Variants in MSRB3 observed in about 807,000 individuals in gnomAD.
The protein encoded by MSRB3 is methionine-R-sulfoxide reductase B3.
A neutral mutation model predicts 21.0 loss-of-function variants in MSRB3; 13 were observed. The observed-to-expected ratio is 0.62, with a 90% CI of 0.40 to 0.98. The LOEUF is 0.98. Ranked by LOEUF, MSRB3 falls within the 50% of genes least tolerant of loss-of-function variation. The pLI, the probability that MSRB3 is intolerant of heterozygous loss-of-function variation, is 0.00. For synonymous variants in MSRB3, 87 were observed against 88.6 expected (o/e 0.98, Z 0.10); for missense variants, 199 against 230.3 (o/e 0.86, Z 0.88).
chr12:65,388,394 A>T (rs1485915228), intron 5 of MSRB3, among the ~76,000 whole-genome samples: 2 of 151,968 alleles, frequency 1.3e-5, no homozygotes, highest in Non-Finnish European at 2.9e-5. Context: ...TTCAGCTCCC[A>T]CTTGTTTCTT....
At chr12:65,416,485 T>G (rs1328473449) in intron 5 of MSRB3, among the ~76,000 whole-genome samples, 1 of 152,174 alleles carries the variant, frequency 6.6e-6, no homozygotes, top group African/African-American at 2.4e-5. Context: ...GTGTGAACAT[T>G]GGAGAGCATA....
At chr12:65,377,571 A>AT (rs1878699318) in intron 5 of MSRB3, among the ~76,000 whole-genome samples, 1 of 152,216 alleles carries the variant, frequency 6.6e-6, no homozygotes, top group Non-Finnish European at 1.5e-5. Context: ...AATTGCTGGG[A>AT]TTACAGGCAT....
At chr12:65,407,209 G>A (rs1292123057) in intron 5 of MSRB3, among the ~76,000 whole-genome samples, 4 of 151,990 alleles carry the variant, frequency 2.6e-5, no homozygotes, top group Non-Finnish European at 5.9e-5. Flanking sequence ...CAATGGGAAA[G>A]GACAGTCTTT....
chr12:65,330,583 T>C (rs990586972), intron 4 of MSRB3, among the ~76,000 whole-genome samples: 1 of 152,126 alleles, frequency 6.6e-6, no homozygotes, highest in Admixed American at 6.5e-5. Flanking sequence ...TGGCTGCGTC[T>C]TCCTCCCATC....
At chr12:65,436,819 ATTGT>A (rs1882139487) in intron 5 of MSRB3, among the ~76,000 whole-genome samples, 1 of 151,848 alleles carries the variant, frequency 6.6e-6, no homozygotes, top group Non-Finnish European at 1.5e-5. Context: ...TGCCACAGAG[ATTGT>A]TTGGTGTAGG....
At chr12:65,443,576 T>G (rs1015992241) in intron 5 of MSRB3, among the ~76,000 whole-genome samples, 6 of 152,162 alleles carry the variant, frequency 3.9e-5, no homozygotes, top group African/African-American at 1.4e-4. Context: ...TTTACTTCAC[T>G]GAGTTCTGGA....
At chr12:65,460,243 G>A (rs1490010500) in intron 6 of MSRB3, among the ~76,000 whole-genome samples, 1 of 152,210 alleles carries the variant, frequency 6.6e-6, no homozygotes, top group African/African-American at 2.4e-5. Flanking sequence ...GAGCTTGCAG[G>A]CAGCTAAAGA....
chr12:65,380,842 G>A (rs1343907570), intron 5 of MSRB3, among the ~76,000 whole-genome samples: 2 of 152,104 alleles, frequency 1.3e-5, no homozygotes, highest in East Asian at 1.9e-4. Context: ...TAAGTAGTCC[G>A]ATTCGAGAGT....
chr12:65,311,361 C>T (rs1360685751), intron 2 of MSRB3, among the ~76,000 whole-genome samples: 3 of 152,194 alleles, frequency 2.0e-5, no homozygotes, highest in South Asian at 2.1e-4. Flanking sequence ...CATAATTTCT[C>T]GACCATTCAA....
intron 1 of MSRB3, among the ~76,000 whole-genome samples, chr12:65,301,210 T>C (rs539354600): frequency 6.6e-6 from 1 of 152,182 alleles, no homozygotes; most frequent in South Asian, 2.1e-4. Flanking sequence ...ATATGGAGAC[T>C]AAAGGCTTTA....
chr12:65,450,024 G>C (rs1464917695), intron 5 of MSRB3, among the ~76,000 whole-genome samples: 1 of 152,088 alleles, frequency 6.6e-6, no homozygotes, highest in African/African-American at 2.4e-5. Context: ...GGAGAGCTAT[G>C]CCATTATTCA....
At chr12:65,343,932 C>T (rs1223851369) in intron 4 of MSRB3, among the ~76,000 whole-genome samples, 1 of 152,048 alleles carries the variant, frequency 6.6e-6, no homozygotes, top group Admixed American at 6.6e-5. Context: ...AGGTGTAATA[C>T]ATGTGAGGTT....
intron 4 of MSRB3, among the ~76,000 whole-genome samples, chr12:65,356,282 TTAA>T (rs2136507647): frequency 6.6e-6 from 1 of 152,056 alleles, no homozygotes; most frequent in South Asian, 2.1e-4. Context: ...AATAATAGTT[TTAA>T]TAAGTTCACC....
intron 4 of MSRB3, among the ~76,000 whole-genome samples, chr12:65,336,728 A>G (rs1875784881): frequency 6.6e-6 from 1 of 152,260 alleles, no homozygotes; most frequent in African/African-American, 2.4e-5. Context: ...TATAAAAAAT[A>G]ATGTGCAAGT....
chr12:65,395,477 AT>A, intron 5 of MSRB3, among the ~76,000 whole-genome samples: 1 of 152,094 alleles, frequency 6.6e-6, no homozygotes, highest in South Asian at 2.1e-4. Context: ...AAAAAAAAAA[AT>A]CCTAAGGAAT....
chr12:65,434,248 T>C (rs2136668509), intron 5 of MSRB3, among the ~76,000 whole-genome samples: 1 of 152,002 alleles, frequency 6.6e-6, no homozygotes, highest in South Asian at 2.1e-4. Flanking sequence ...TCAGTCCAGC[T>C]CCTTTGGAAT....
intron 4 of MSRB3, among the ~76,000 whole-genome samples, chr12:65,350,181 G>T (rs983087370): frequency 5.3e-5 from 8 of 151,576 alleles, no homozygotes; most frequent in Middle Eastern, 3.4e-3. Context: ...TTTCCCCATT[G>T]CTTGTTTTTC....
chr12:65,441,807 C>T (rs546691449), intron 5 of MSRB3, among the ~76,000 whole-genome samples: 11 of 151,952 alleles, frequency 7.2e-5, no homozygotes, highest in Non-Finnish European at 8.8e-5. Flanking sequence ...CATGCCTTTT[C>T]GATGTAATCT....
chr12:65,346,297 T>C (rs1004091786), intron 4 of MSRB3, among the ~76,000 whole-genome samples: 11 of 152,238 alleles, frequency 7.2e-5, no homozygotes, highest in Admixed American at 6.5e-5. Flanking sequence ...TGAGATGGTA[T>C]CTCACTGTGG....
Sources: allele counts gnomAD v4.1 joint callset (sites outside exome capture counted in the v4.1 genomes callset), GRCh38; gene constraint gnomAD v4.1.1; transcripts MANE v1.5; gene names NCBI Gene and HGNC (gene_info 2026-07-23, HGNC 2026-07-21).